The following MARK4 variants were observed in gnomAD, a reference collection of about 807,000 sequenced individuals.
MARK4 encodes the protein MAP/microtubule affinity-regulating kinase 4.
In MARK4, 19 loss-of-function variants were observed where a neutral mutation model predicts 81.5. The observed-to-expected ratio is 0.23, with a 90% CI of 0.16 to 0.34. The LOEUF is 0.34. Ranked by LOEUF, MARK4 falls within the 10% of genes least tolerant of loss-of-function variation. The probability of loss-of-function intolerance (pLI) is 1.00; values close to 1 mark genes in which losing one functional copy is unlikely to be tolerated. For missense variants in MARK4, 772 were observed against 1,058.8 expected (o/e 0.73, Z 3.76); for synonymous variants, 436 against 439.0 (o/e 0.99, Z 0.08).
At position 45,283,868 on chromosome 19, in the gene MARK4, A is replaced by ACT. The variant is rs35199781; in HGVS notation, c.1276+3137_1276+3138dup. ...TGAGGAACTTTCAGGGTGTTTTCCA[A>ACT]CTCTGTTCGTTTTACAGCCCTGCTT... On this transcript the variant is annotated intron_variant, in intron 12 of 16. Transcript: ENST00000262891. 4.7e-3 allele frequency among the ~76,000 whole-genome samples: 710 copies of ACT among 151,552 alleles called. 8 individuals carry two copies. Among genetic ancestry groups the ACT allele is most frequent in the African/African-American group, 0.015 (638 of 41,286 alleles).
chr19:45,271,720 G>C lies in MARK4; in HGVS notation c.786+12G>C. 1 of 1,612,574 alleles carries C rather than the reference G, an allele frequency of 6.2e-7. No individual in the cohort carries two copies. Among genetic ancestry groups the C allele is most frequent in the East Asian group, 2.2e-5 (1 of 44,852 alleles). On this transcript the variant is annotated intron_variant, in intron 8 of 16. Transcript: ENST00000262891. This position sits in a 1 kb window ranked among gnomAD's most constrained non-coding sequence, Gnocchi z 4.1. The stretch of plus-strand genomic sequence containing the variant: ...GGCACAACCTCAAGGTACCGAGAGG[G>C]GCTGGGTGCAGGGGCATCAGCCCCT...
chr19:45,272,120 C>G (rs1360261499), intron 8 of MARK4, among the ~76,000 whole-genome samples: 1 of 152,024 alleles, frequency 6.6e-6, no homozygotes, highest in African/African-American at 2.4e-5. Flanking sequence ...TCACTTGAGC[C>G]TGGGAGTTCA....
chr19:45,282,171 C>A (rs754085736), intron 12 of MARK4, among the ~76,000 whole-genome samples: 1 of 150,444 alleles, frequency 6.6e-6, no homozygotes, highest in Non-Finnish European at 1.5e-5. Flanking sequence ...TGCAGTGAGC[C>A]GAGATCATGC....
intron 10 of MARK4, 170 bp from the exon 11 acceptor site, chr19:45,280,204 G>A: frequency 3.2e-6 from 2 of 619,824 alleles, no homozygotes; most frequent in Non-Finnish European, 5.7e-6. Flanking sequence ...CAAAAACTGA[G>A]GTGGGAGGAT....
At position 45,280,362 on chromosome 19, in the gene MARK4, C is replaced by A; in HGVS notation, c.1007-12C>A. Reference sequence around the variant, plus strand: ...TGGGAGTCTGAAACTTCTCTCCATCCCCCCCTCCCAGAGGTGATGGTGGGT... The same window carrying A: ...TGGGAGTCTGAAACTTCTCTCCATCACCCCCTCCCAGAGGTGATGGTGGGT... On this transcript the variant is annotated splice_polypyrimidine_tract_variant and intron_variant, in intron 10 of 16. Transcript: ENST00000262891. 6.2e-7 allele frequency: 1 copy of A among 1,608,534 alleles called. No individual in the cohort carries two copies. The highest frequency in any genetic ancestry group is 8.5e-7 in the Non-Finnish European group (1 of 1,175,190).
At chr19:45,278,726 C>T in intron 10 of MARK4, 111 bp downstream of exon 10, 2 of 817,144 alleles carry the variant, frequency 2.4e-6, no homozygotes, top group Non-Finnish European at 4.0e-6. Flanking sequence ...GCCTCAGCCT[C>T]CCAAGTAGCT....
chr19:45,287,974 C>CA (rs1236660661), intron 13 of MARK4: 12 of 397,470 alleles, frequency 3.0e-5, no homozygotes, highest in Non-Finnish European at 5.6e-5. Flanking sequence ...CACAGTGGCT[C>CA]ATGCTTGTAA....
At chr19:45,300,988 C>T (rs1031293137) in intron 16 of MARK4, among the ~76,000 whole-genome samples, 1 of 152,082 alleles carries the variant, frequency 6.6e-6, no homozygotes, top group African/African-American at 2.4e-5. Context: ...GCAGCACTCT[C>T]GTACTTCAGG....
chr19:45,297,684 C>A lies in MARK4; in HGVS notation c.1607C>A (p.Thr536Asn), dbSNP rs552947392. Residue 536 changes from threonine to asparagine, a missense_variant, in exon 15 of 17, where the codon ACC becomes AAC. Physicochemically the swap from Thr to Asn is moderately conservative, Grantham distance 65. Around this residue, in one of 3 missense-constraint regions of MARK4, gnomAD observed 548 missense variants for 624.3 expected, o/e 0.88. Coordinates refer to ENST00000262891, the MANE Select transcript of MARK4 (RefSeq NM_001199867.2). ...TCTGTCTCTGCCCACAGCTCAGGCACCCCACGGGTGCCCCCTGCCTCCCCC... is the reference window on the plus strand; with the variant it reads ...TCTGTCTCTGCCCACAGCTCAGGCAACCCACGGGTGCCCCCTGCCTCCCCC... Reference protein sequence around the residue: ...LPNGKENSSGTPRVPPASPSS... With the variant: ...LPNGKENSSGNPRVPPASPSS... The A allele has an allele frequency of 4.6e-6, 7 of 1,526,734 alleles. No individual in the cohort carries two copies. In the African/African-American group the frequency reaches 9.7e-5, roughly 21 times the overall value. The allele number at this position is 1,526,734 out of a possible 1,614,324, so 94.6% of individuals were successfully genotyped here.
chr19:45,277,717 T>C (rs1316709655), intron 8 of MARK4, among the ~76,000 whole-genome samples: 1 of 151,998 alleles, frequency 6.6e-6, no homozygotes, highest in Non-Finnish European at 1.5e-5. Context: ...TCCCATTTTA[T>C]GGACAGGGAA....
intron 1 of MARK4, among the ~76,000 whole-genome samples, chr19:45,254,799 A>G (rs1451935490): frequency 2.6e-5 from 4 of 152,220 alleles, no homozygotes; most frequent in Non-Finnish European, 5.9e-5. Flanking sequence ...TCCAAGGCTC[A>G]GTTTCTCTGC....
intron 12 of MARK4, among the ~76,000 whole-genome samples, chr19:45,281,064 T>C (rs1160351841): frequency 6.6e-6 from 1 of 151,928 alleles, no homozygotes; most frequent in Non-Finnish European, 1.5e-5. Context: ...CCCCGATTTT[T>C]TTTTTTGAGA....
At chr19:45,277,478 TG>T (rs1452457670) in intron 8 of MARK4, among the ~76,000 whole-genome samples, 1 of 147,446 alleles carries the variant, frequency 6.8e-6, no homozygotes. Context: ...TTGTTCAGGC[TG>T]GTCTTGAACT....
intron 1 of MARK4, among the ~76,000 whole-genome samples, chr19:45,257,230 T>G (rs917707891): frequency 6.6e-6 from 1 of 152,160 alleles, no homozygotes; most frequent in African/African-American, 2.4e-5. Flanking sequence ...TGATTTTGTT[T>G]TATTGTGATT....
At chr19:45,298,490 G>A (rs375810296) in intron 15 of MARK4, among the ~76,000 whole-genome samples, 3 of 152,166 alleles carry the variant, frequency 2.0e-5, no homozygotes, top group East Asian at 1.9e-4. Flanking sequence ...AACAATACCT[G>A]TCTCCTAGGG....
At chr19:45,282,419 T>C (rs1421962110) in intron 12 of MARK4, among the ~76,000 whole-genome samples, 2 of 151,916 alleles carry the variant, frequency 1.3e-5, no homozygotes, top group African/African-American at 4.8e-5. Flanking sequence ...AGGCCGGGCA[T>C]GGTGGCTCAC....
chr19:45,257,383 CTTTTT>C (rs35210904), intron 1 of MARK4, among the ~76,000 whole-genome samples: 9 of 124,352 alleles, frequency 7.2e-5, no homozygotes, highest in Non-Finnish European at 1.5e-4. Context: ...TTTTCTTTCT[CTTTTT>C]TTTTTTTTTT....
At chr19:45,260,049 T>G (rs972451572) in intron 2 of MARK4, among the ~76,000 whole-genome samples, 1 of 151,948 alleles carries the variant, frequency 6.6e-6, no homozygotes, top group Non-Finnish European at 1.5e-5. Context: ...ATCATGCCAC[T>G]GCACTCCAGC....
intron 13 of MARK4, among the ~76,000 whole-genome samples, chr19:45,291,557 C>T (rs768174276): frequency 2.0e-5 from 3 of 152,018 alleles, no homozygotes; most frequent in Non-Finnish European, 2.9e-5. Flanking sequence ...CTGAGGCGGG[C>T]GGATCACGAG....
Sources: gnomAD v4.1 joint callset for allele counts (sites outside exome capture counted in the v4.1 genomes callset) on GRCh38, gnomAD v4.1.1 for gene constraint, gnomAD v4.1.1 regional missense constraint, Gnocchi (gnomAD v3.1) non-coding constraint, MANE v1.5 for transcripts, NCBI Gene and HGNC (gene_info 2026-07-23, HGNC 2026-07-21) for gene names.